Variants in ATXN7L1 observed in about 807,000 individuals in gnomAD.
ATXN7L1 encodes ataxin 7 like 1, also known as ataxin-7-like protein 1.
A neutral mutation model predicts 70.8 loss-of-function variants in ATXN7L1; 15 were observed. The observed-to-expected ratio is 0.21, with a 90% confidence interval of 0.14 to 0.33. The LOEUF (loss-of-function observed/expected upper bound fraction) is 0.33, where lower values mean the gene tolerates loss of function less well. Ranked by LOEUF, ATXN7L1 falls within the 10% of genes least tolerant of loss-of-function variation. The pLI is 1.00. For synonymous variants in ATXN7L1, 440 were observed against 445.1 expected (o/e 0.99, Z 0.14); for missense variants, 975 against 1,097.1 (o/e 0.89, Z 1.57).
intron 3 of ATXN7L1, among the ~76,000 whole-genome samples, chr7:105,667,381 A>G (rs2116080078): frequency 6.6e-6 from 1 of 152,324 alleles, no homozygotes; most frequent in South Asian, 2.1e-4. Flanking sequence ...ACTTAGAATC[A>G]CTAAAGGTTA....
intron 2 of ATXN7L1, among the ~76,000 whole-genome samples, chr7:105,856,638 C>T (rs1470484779): frequency 1.3e-5 from 2 of 151,018 alleles, no homozygotes; most frequent in East Asian, 3.9e-4. Flanking sequence ...AAAGCATATG[C>T]TAAACAGCTT....
intron 3 of ATXN7L1, among the ~76,000 whole-genome samples, chr7:105,748,217 C>T (rs1245676346): frequency 2.0e-5 from 3 of 151,962 alleles, no homozygotes; most frequent in Non-Finnish European, 2.9e-5. Context: ...CAACACCCAA[C>T]TCTAATAAAA....
intron 3 of ATXN7L1, among the ~76,000 whole-genome samples, chr7:105,674,820 T>C (rs1039032864): frequency 6.6e-6 from 1 of 152,214 alleles, no homozygotes; most frequent in South Asian, 2.1e-4. Context: ...ATCACCACTA[T>C]TGGGCAGGAT....
chr7:105,876,566 A>G lies in ATXN7L1; in HGVS notation c.-8T>C. 2 of 1,363,984 alleles carry G rather than the reference A, an allele frequency of 1.5e-6. No homozygotes were observed. The highest frequency in any genetic ancestry group is 4.6e-5 in the East Asian group (1 of 21,686). The allele number at this position is 1,363,984 out of a possible 1,614,324, so 84.5% of individuals were successfully genotyped here. On this transcript the variant is annotated 5_prime_UTR_variant, in exon 1 of 12. Transcript: ENST00000419735. ...AGAACGCTCCGACGTCATCTTCGGA[A>G]CGTTCCGACATTGAGTGTTCTGAAA...
intron 2 of ATXN7L1, among the ~76,000 whole-genome samples, chr7:105,847,587 C>T (rs549672032): frequency 3.3e-5 from 5 of 152,184 alleles, no homozygotes; most frequent in African/African-American, 1.2e-4. Flanking sequence ...TATTGTTTAC[C>T]CCAAGAACAA....
intron 8 of ATXN7L1, 96 bp from the exon 9 acceptor site, chr7:105,620,417 GCA>G: frequency 2.3e-6 from 3 of 1,301,378 alleles, no homozygotes; most frequent in Non-Finnish European, 3.1e-6. Context: ...ACATACAAGG[GCA>G]CAGTTTTACT....
At chr7:105,746,676 T>C (rs1164534706) in intron 3 of ATXN7L1, among the ~76,000 whole-genome samples, 1 of 152,240 alleles carries the variant, frequency 6.6e-6, no homozygotes, top group Non-Finnish European at 1.5e-5. Flanking sequence ...AGGGAATCTA[T>C]GTGGTTCTCT....
intron 2 of ATXN7L1, among the ~76,000 whole-genome samples, chr7:105,824,778 G>C (rs931724474): frequency 6.6e-6 from 1 of 151,682 alleles, no homozygotes; most frequent in Admixed American, 6.6e-5. Context: ...CAAATTAAAA[G>C]GGCCCACCAG....
At position 105,792,495 on chromosome 7, in the gene ATXN7L1, G is replaced by A. The variant is rs544017484; in HGVS notation, c.251-3787C>T. Among the ~76,000 whole-genome samples the A allele has an allele frequency of 4.7e-4, 71 of 152,340 alleles. 1 individual carries two copies. The highest frequency in any genetic ancestry group is 1.6e-3 in the African/African-American group (65 of 41,574). The stretch of plus-strand genomic sequence containing the variant: ...TGCGGGCTGGGGGACAAAGCAGGGA[G>A]GGAGGGCAGGGAGAGAGGAGAACTA... On this transcript the variant is annotated intron_variant, in intron 2 of 11. Coordinates refer to ENST00000419735, the MANE Select transcript of ATXN7L1 (RefSeq NM_020725.2).
At chr7:105,687,423 C>T (rs570451738) in intron 3 of ATXN7L1, among the ~76,000 whole-genome samples, 33 of 152,092 alleles carry the variant, frequency 2.2e-4, no homozygotes, top group Non-Finnish European at 2.8e-4. Flanking sequence ...TAGGATGGGG[C>T]CCTAATCCAA....
intron 7 of ATXN7L1, among the ~76,000 whole-genome samples, chr7:105,635,419 C>T (rs913990155): frequency 4.6e-5 from 7 of 152,254 alleles, no homozygotes; most frequent in Middle Eastern, 3.2e-3. Context: ...CATTCACTGC[C>T]TTTGCCTTCC....
chr7:105,713,831 C>T (rs1310686075), intron 3 of ATXN7L1, among the ~76,000 whole-genome samples: 1 of 152,198 alleles, frequency 6.6e-6, no homozygotes, highest in African/African-American at 2.4e-5. Flanking sequence ...TGGTACCCCA[C>T]AGCAAGAAGC....
At chr7:105,727,746 G>GTGTATATCTATATATCTATA (rs1333693053) in intron 3 of ATXN7L1, among the ~76,000 whole-genome samples, 1 of 55,356 alleles carries the variant, frequency 1.8e-5, no homozygotes, top group African/African-American at 9.8e-5. Flanking sequence ...GTGTATGTGT[G>GTGTATATCTATATATCTATA]TATATATATA....
At chr7:105,624,625 G>C (rs930062454) in intron 7 of ATXN7L1, among the ~76,000 whole-genome samples, 6 of 146,674 alleles carry the variant, frequency 4.1e-5, no homozygotes, top group African/African-American at 1.5e-4. Context: ...ACTCCAGCCT[G>C]GGCGACAGAG....
intron 2 of ATXN7L1, among the ~76,000 whole-genome samples, chr7:105,794,016 C>T (rs2116498403): frequency 7.2e-6 from 1 of 139,748 alleles, no homozygotes; most frequent in Middle Eastern, 3.7e-3. Context: ...ATCCATCCAT[C>T]CATCATCCAT....
chr7:105,690,065 C>T (rs1260381951), intron 3 of ATXN7L1, among the ~76,000 whole-genome samples: 5 of 152,198 alleles, frequency 3.3e-5, no homozygotes, highest in Admixed American at 6.5e-5. Flanking sequence ...AGTGCAATGG[C>T]GCGCTCTCGG....
In ATXN7L1 at chr7:105,614,685, G is replaced by A. The variant is rs1231462526; in HGVS notation, c.1649C>T (p.Ser550Leu). The change falls in exon 10 of 12, where the codon TCG (serine) becomes TTG (leucine). Residue 550 changes from serine (S) to leucine (L), a missense_variant. By Grantham distance (145) the Ser-to-Leu change is moderately radical. Coordinates refer to ENST00000419735, the MANE Select transcript of ATXN7L1 (RefSeq NM_020725.2). The surrounding 1 kb of genome is among the most constrained non-coding windows in gnomAD (Gnocchi z 4.3). ...CATTATGTAAGAAGAGGTGAGCCTC[G>A]AGCTGATGGGAGCTGAAGGAAGATA... is the stretch of plus-strand genomic sequence containing the variant. The part of the protein sequence containing the change: ...AVYLPSAPIS[S>L]RLTSSYIMTS... 9 of 1,551,568 alleles carry A rather than the reference G, an allele frequency of 5.8e-6. No individual in the cohort carries two copies. Among genetic ancestry groups the A allele is most frequent in the South Asian group, 2.4e-5 (2 of 84,054 alleles).
At position 105,640,564 on chromosome 7, in the gene ATXN7L1, C is replaced by T. The variant is rs558009171; in HGVS notation, c.863-995G>A. ...ATTTTTATTTTTTGAGACAGGGTCT[C>T]GCTCCGTTACCCAGGCTGAAGTGCA... is the stretch of plus-strand genomic sequence containing the variant. On this transcript the variant is annotated intron_variant, in intron 5 of 11. Transcript: ENST00000419735. 1.6e-3 allele frequency among the ~76,000 whole-genome samples: 249 copies of T among 152,292 alleles called. 2 individuals are homozygous for T. The highest frequency in any genetic ancestry group is 5.8e-3 in the African/African-American group (241 of 41,558).
At chr7:105,754,401 C>CTT (rs778417692) in intron 3 of ATXN7L1, among the ~76,000 whole-genome samples, 2 of 145,854 alleles carry the variant, frequency 1.4e-5, no homozygotes, top group African/African-American at 2.5e-5. Context: ...TTCTTTCTTT[C>CTT]TTTTTTTTTT....
Sources: gnomAD v4.1 joint callset for allele counts (sites outside exome capture counted in the v4.1 genomes callset) on GRCh38, gnomAD v4.1.1 for gene constraint, Gnocchi (gnomAD v3.1) non-coding constraint, MANE v1.5 for transcripts, NCBI Gene and HGNC (gene_info 2026-07-23, HGNC 2026-07-21) for gene names.